Variants in ENTREP1 observed in about 807,000 individuals in gnomAD.
ENTREP1 encodes the protein endosomal transmembrane epsin interactor 1, also known as Friedreich ataxia region gene X123.
the ENTREP1 span, chr9:69,325,405 C>A: frequency 1.9e-6 from 2 of 1,073,256 alleles, no homozygotes; most frequent in Non-Finnish European, 2.3e-6. Flanking sequence ...CTGCCGCCGC[C>A]GCTCAGGAGC....
chr9:69,362,190 T>C, the ENTREP1 span, among the ~76,000 whole-genome samples: 1 of 152,118 alleles, frequency 6.6e-6, no homozygotes, highest in Non-Finnish European at 1.5e-5. Context: ...AAAATAAAAG[T>C]CCTTAGGCAG....
At chr9:69,391,833 G>A in the ENTREP1 span, 4 of 1,550,646 alleles carry the variant, frequency 2.6e-6, no homozygotes, top group South Asian at 1.2e-5. Flanking sequence ...CCACTCCAAG[G>A]GGAAGGATCC....
the ENTREP1 span, chr9:69,377,495 C>T: frequency 6.2e-7 from 1 of 1,607,784 alleles, no homozygotes; most frequent in Non-Finnish European, 8.5e-7. Flanking sequence ...TATGCAAGGG[C>T]ATCATGGCCA....
the ENTREP1 span, chr9:69,383,333 C>T: frequency 9.3e-7 from 1 of 1,074,204 alleles, no homozygotes; most frequent in African/African-American, 1.6e-5. Flanking sequence ...CCTTCTCCCC[C>T]ATCCCCTGGC....
At chr9:69,347,287 GC>G in the ENTREP1 span, among the ~76,000 whole-genome samples, 1 of 152,222 alleles carries the variant, frequency 6.6e-6, no homozygotes, top group African/African-American at 2.4e-5. Context: ...TCTCTGAGGA[GC>G]CAATGGAAGC....
chr9:69,340,689 G>C, the ENTREP1 span, among the ~76,000 whole-genome samples: 1 of 141,910 alleles, frequency 7.0e-6, no homozygotes. Context: ...ATGCATGTGT[G>C]TGTGTATGTG....
chr9:69,387,082 G>GAGC, the ENTREP1 span: 1 of 152,228 alleles, frequency 6.6e-6, no homozygotes, highest in Non-Finnish European at 1.5e-5. Context: ...GCAGCTGCTG[G>GAGC]AGCCCTCCAT....
At chr9:69,387,702 G>C in the ENTREP1 span, 1 of 362,762 alleles carries the variant, frequency 2.8e-6, no homozygotes, top group Non-Finnish European at 5.3e-6. Flanking sequence ...AAAGTGATCA[G>C]AGCATTACAT....
At chr9:69,383,951 C>A in the ENTREP1 span, 1 of 1,613,626 alleles carries the variant, frequency 6.2e-7, no homozygotes, top group Non-Finnish European at 8.5e-7. Context: ...ATGCAGGGAT[C>A]TTCATTCCAA....
chr9:69,377,692 C>T, the ENTREP1 span: 8 of 1,614,088 alleles, frequency 5.0e-6, no homozygotes, highest in Non-Finnish European at 6.8e-6. Flanking sequence ...GCCTGTGCCT[C>T]CCCCTTCCTA....
At chr9:69,369,354 G>A in the ENTREP1 span, among the ~76,000 whole-genome samples, 3 of 152,082 alleles carry the variant, frequency 2.0e-5, no homozygotes, top group African/African-American at 7.2e-5. Flanking sequence ...ACCCAGTAAT[G>A]GGATTGCTGG....
chr9:69,389,472 G>C, the ENTREP1 span, among the ~76,000 whole-genome samples: 4 of 152,210 alleles, frequency 2.6e-5, no homozygotes, highest in East Asian at 7.7e-4. Context: ...GGAATGATCT[G>C]ATTACTTGCA....
At chr9:69,369,321 G>T in the ENTREP1 span, among the ~76,000 whole-genome samples, 1 of 152,124 alleles carries the variant, frequency 6.6e-6, no homozygotes, top group East Asian at 1.9e-4. Context: ...ATAGTAGAAT[G>T]ATTTATAATC....
chr9:69,328,407 T>C, the ENTREP1 span, among the ~76,000 whole-genome samples: 2 of 152,166 alleles, frequency 1.3e-5, no homozygotes, highest in Non-Finnish European at 2.9e-5. Flanking sequence ...TCTTTTATTA[T>C]AAAAATTTAA....
the ENTREP1 span, chr9:69,325,453 C>A: frequency 1.1e-6 from 1 of 945,238 alleles, no homozygotes; most frequent in Non-Finnish European, 1.3e-6. Flanking sequence ...GGCCCCGGGG[C>A]GCGCTGCAGC....
the ENTREP1 span, among the ~76,000 whole-genome samples, chr9:69,366,699 T>G: frequency 2.0e-5 from 3 of 152,168 alleles, no homozygotes; most frequent in Non-Finnish European, 4.4e-5. Flanking sequence ...TAATCCATTT[T>G]GAGTTGATTT....
At chr9:69,350,825 G>T in the ENTREP1 span, among the ~76,000 whole-genome samples, 1 of 152,100 alleles carries the variant, frequency 6.6e-6, no homozygotes, top group Non-Finnish European at 1.5e-5. Flanking sequence ...GAATCTTGAT[G>T]CTGATCTGAT....
the ENTREP1 span, among the ~76,000 whole-genome samples, chr9:69,333,961 AATCACTGTC>A: frequency 6.6e-6 from 1 of 152,238 alleles, no homozygotes; most frequent in African/African-American, 2.4e-5. Flanking sequence ...ATTTCTGAGG[AATCACTGTC>A]ATCACTATAA....
the ENTREP1 span, among the ~76,000 whole-genome samples, chr9:69,340,608 TGTGC>T: frequency 6.8e-6 from 1 of 147,210 alleles, no homozygotes; most frequent in East Asian, 2.0e-4. Flanking sequence ...CATGTGTGTG[TGTGC>T]ATGTGTGTGT....
Sources: gnomAD v4.1 joint callset for allele counts (sites outside exome capture counted in the v4.1 genomes callset) on GRCh38, gnomAD v4.1.1 for gene constraint, MANE v1.5 for transcripts, NCBI Gene and HGNC (gene_info 2026-07-23, HGNC 2026-07-21) for gene names.